The following TMEM117 variants were observed in gnomAD, a reference collection of about 807,000 sequenced individuals.
TMEM117 encodes the protein transmembrane protein 117.
TMEM117 carries 27 observed loss-of-function variants against 52.4 expected under a neutral mutation model. That is an observed-to-expected ratio of 0.51 (90% CI 0.38 to 0.71). The LOEUF is 0.71. Ranked by LOEUF, TMEM117 falls within the 30% of genes least tolerant of loss-of-function variation. TMEM117 has a pLI of 0.00. For synonymous variants in TMEM117, 215 were observed against 206.3 expected (o/e 1.04, Z -0.36); for missense variants, 556 against 630.5 (o/e 0.88, Z 1.26).
chr12:43,994,283 A>G (rs1945992800), intron 3 of TMEM117, among the ~76,000 whole-genome samples: 1 of 152,222 alleles, frequency 6.6e-6, no homozygotes, highest in Admixed American at 6.5e-5. Flanking sequence ...GCAGTAAGCT[A>G]CATCTCTGAG....
intron 2 of TMEM117, among the ~76,000 whole-genome samples, chr12:43,939,793 A>C (rs1945014187): frequency 6.6e-6 from 1 of 152,152 alleles, no homozygotes; most frequent in African/African-American, 2.4e-5. Flanking sequence ...ATAAAGATAT[A>C]CCTAAGACTG....
chr12:44,056,670 C>T (rs1176149301), intron 3 of TMEM117, among the ~76,000 whole-genome samples: 1 of 152,066 alleles, frequency 6.6e-6, no homozygotes, highest in African/African-American at 2.4e-5. Flanking sequence ...GAGGAAAAAC[C>T]AGTAATAGGC....
At chr12:43,831,117 A>G (rs939444129), upstream of TMEM117, among the ~76,000 whole-genome samples, 2 of 152,218 alleles carry the variant, frequency 1.3e-5, no homozygotes, top group Non-Finnish European at 2.9e-5. Context: ...CCCTTAGAAA[A>G]TTGCCAAAGA....
chr12:44,205,869 T>C (rs1949558435), intron 4 of TMEM117, among the ~76,000 whole-genome samples: 1 of 152,166 alleles, frequency 6.6e-6, no homozygotes, highest in Non-Finnish European at 1.5e-5. Flanking sequence ...ACAAAGAACT[T>C]AAAATAGAAC....
chr12:44,334,032 C>A lies in TMEM117; in HGVS notation c.768+34293C>A, dbSNP rs541632288. Among the ~76,000 whole-genome samples the A allele has an allele frequency of 1.5e-3, 235 of 152,084 alleles. 1 individual carries two copies. Among genetic ancestry groups the A allele is most frequent in the Non-Finnish European group, 2.4e-3 (163 of 67,954 alleles). On this transcript the variant is annotated intron_variant, in intron 6 of 7. Coordinates refer to ENST00000266534, the MANE Select transcript of TMEM117 (RefSeq NM_032256.3). ...TTTATAAAATGAATTATTGTATTTA[C>A]CTCGATAGAATTTTTAGAGACTTTA...
At chr12:43,868,587 A>AC (rs1555179033) in intron 2 of TMEM117, among the ~76,000 whole-genome samples, 85 of 151,598 alleles carry the variant, frequency 5.6e-4, no homozygotes, top group African/African-American at 1.9e-3. Flanking sequence ...CAAAAAAAAA[A>AC]ACACACACAC....
At position 43,877,930 on chromosome 12, in the gene TMEM117, G is replaced by C. The variant is rs1031567910; in HGVS notation, c.277+33002G>C. Among the ~76,000 whole-genome samples, 89 of 106,418 alleles carry C rather than the reference G, an allele frequency of 8.4e-4. No homozygotes were observed. In the East Asian group the frequency reaches 9.3e-3, roughly 11 times the overall value. 69.8% of individuals were successfully genotyped at this position (106,418 alleles called of 152,430 possible). On this transcript the variant is annotated intron_variant, in intron 2 of 7. Transcript: ENST00000266534. ...ACACACACACACACACACACACACA[G>C]ACAGAATAATACTTTATATATGTTT...
At chr12:44,132,895 G>A (rs1027624038) in intron 3 of TMEM117, among the ~76,000 whole-genome samples, 9 of 152,130 alleles carry the variant, frequency 5.9e-5, no homozygotes, top group African/African-American at 2.2e-4. Flanking sequence ...CTGGGCAGAT[G>A]TTGAAAAAGA....
At chr12:44,032,380 T>G (rs1946647079) in intron 3 of TMEM117, among the ~76,000 whole-genome samples, 1 of 152,202 alleles carries the variant, frequency 6.6e-6, no homozygotes, top group Non-Finnish European at 1.5e-5. Flanking sequence ...GTTTCTTCAA[T>G]TTAGGCTAAT....
intron 2 of TMEM117, among the ~76,000 whole-genome samples, chr12:43,918,890 T>TCTA (rs1301507717): frequency 2.0e-5 from 3 of 152,264 alleles, no homozygotes; most frequent in Non-Finnish European, 2.9e-5. Flanking sequence ...TTTGATACTG[T>TCTA]AACTGCACTT....
At chr12:44,082,344 C>T (rs1947495055) in intron 3 of TMEM117, among the ~76,000 whole-genome samples, 2 of 151,874 alleles carry the variant, frequency 1.3e-5, no homozygotes, top group South Asian at 4.1e-4. Flanking sequence ...TTTTAACTGA[C>T]TTCTAATTGT....
chr12:44,142,395 C>T (rs1162727266), intron 3 of TMEM117, among the ~76,000 whole-genome samples: 3 of 151,982 alleles, frequency 2.0e-5, no homozygotes, highest in Non-Finnish European at 4.4e-5. Flanking sequence ...TTTAAGTTTG[C>T]TTTTTTTGTT....
At chr12:43,883,235 T>A (rs1368065791) in intron 2 of TMEM117, among the ~76,000 whole-genome samples, 1 of 152,168 alleles carries the variant, frequency 6.6e-6, no homozygotes, top group Non-Finnish European at 1.5e-5. Flanking sequence ...TCTCAAGAAG[T>A]GATTTTAGTT....
intron 5 of TMEM117, among the ~76,000 whole-genome samples, chr12:44,215,935 T>C (rs1949710852): frequency 6.6e-6 from 1 of 151,760 alleles, no homozygotes; most frequent in Non-Finnish European, 1.5e-5. Context: ...GCATGTGCCA[T>C]ATCTAGGTGG....
In TMEM117 at chr12:44,330,012, G is replaced by T. The variant is rs186761229; in HGVS notation, c.768+30273G>T. On this transcript the variant is annotated intron_variant, in intron 6 of 7. Coordinates refer to ENST00000266534, the MANE Select transcript of TMEM117 (RefSeq NM_032256.3). ...TCTGTTCAAGTTCCTACTTTCAGGG[G>T]TTTTTTTGGAAATATACTCAAAAGT... Among the ~76,000 whole-genome samples the T allele has an allele frequency of 1.7e-3, 257 of 152,018 alleles. 6 individuals are homozygous for T. In the East Asian group the frequency reaches 0.028, roughly 17 times the overall value.
intron 4 of TMEM117, among the ~76,000 whole-genome samples, chr12:44,184,473 G>A (rs542175450): frequency 6.6e-6 from 1 of 152,304 alleles, no homozygotes; most frequent in Admixed American, 6.5e-5. Flanking sequence ...CAGGAGATAT[G>A]GGGCAGATGG....
intron 3 of TMEM117, among the ~76,000 whole-genome samples, chr12:44,125,777 G>A (rs1462853934): frequency 1.3e-5 from 2 of 151,858 alleles, no homozygotes; most frequent in African/African-American, 4.8e-5. Context: ...GTTTGCTCTT[G>A]GTTCTCTAAT....
Position 44,049,173 on chromosome 12 carries a change from A to G in TMEM117, c.411-94352A>G, listed in dbSNP as rs1323840327. ...AGTCACAGAACCAACCCAAATGCCC[A>G]TCAATGATAGACTGGATAAAGCAAA... On this transcript the variant is annotated intron_variant, in intron 3 of 7. Coordinates refer to ENST00000266534, the MANE Select transcript of TMEM117 (RefSeq NM_032256.3). 1.3e-4 allele frequency among the ~76,000 whole-genome samples: 20 copies of G among 152,330 alleles called. No individual in the cohort carries two copies. The East Asian group carries it at 3.5e-3, about 26-fold the overall frequency.
chr12:43,905,673 A>G (rs1028339282), intron 2 of TMEM117, among the ~76,000 whole-genome samples: 4 of 152,300 alleles, frequency 2.6e-5, no homozygotes, highest in Admixed American at 1.3e-4. Flanking sequence ...TTATTTGCTC[A>G]TTTAACTTAG....
Sources: allele counts gnomAD v4.1 joint callset (sites outside exome capture counted in the v4.1 genomes callset), GRCh38; gene constraint gnomAD v4.1.1; transcripts MANE v1.5; gene names NCBI Gene and HGNC (gene_info 2026-07-23, HGNC 2026-07-21).